Variants in KIF24 observed in about 807,000 individuals in gnomAD.
KIF24 encodes the protein kinesin-like protein KIF24.
In KIF24, 81 loss-of-function variants were observed where a neutral mutation model predicts 118.9. That is an observed-to-expected ratio of 0.68 (90% CI 0.57 to 0.82). KIF24 has a LOEUF of 0.82. Ranked by LOEUF, KIF24 falls within the 40% of genes least tolerant of loss-of-function variation. The pLI, the probability that KIF24 is intolerant of heterozygous loss-of-function variation, is 0.00. For missense variants in KIF24, 1,560 were observed against 1,661.6 expected (o/e 0.94, Z 1.06); for synonymous variants, 599 against 610.0 (o/e 0.98, Z 0.27).
chr9:34,321,623 T>TA (rs1837527764), intron 1 of KIF24, among the ~76,000 whole-genome samples: 2 of 137,672 alleles, frequency 1.5e-5, no homozygotes, highest in East Asian at 2.5e-4. Context: ...TTTTTTTTTT[T>TA]AGAGAAAGCG....
At chr9:34,306,193 C>CA (rs1224811761) in intron 3 of KIF24, 59 bp downstream of exon 3, 704 of 1,183,634 alleles carry the variant, frequency 5.9e-4, no homozygotes, top group South Asian at 6.9e-4. Context: ...AAACAAAAAG[C>CA]AAAAAAAAAT....
chr9:34,329,865 C>G (rs1023420896), upstream of KIF24, among the ~76,000 whole-genome samples: 2 of 151,996 alleles, frequency 1.3e-5, no homozygotes, highest in African/African-American at 4.8e-5. Flanking sequence ...GTGGGTCGTC[C>G]AAATCCCAGA....
intron 2 of KIF24, among the ~76,000 whole-genome samples, chr9:34,308,605 G>C (rs1365036899): frequency 6.6e-6 from 1 of 151,990 alleles, no homozygotes; most frequent in East Asian, 1.9e-4. Context: ...TTTAATAAGG[G>C]TTTTGTGTTA....
intron 1 of KIF24, among the ~76,000 whole-genome samples, chr9:34,323,435 G>A (rs1263153783): frequency 1.3e-5 from 2 of 152,114 alleles, no homozygotes; most frequent in Non-Finnish European, 2.9e-5. Flanking sequence ...TTAAACCAGT[G>A]CCAAGTATTA....
Position 34,270,934 on chromosome 9 carries a change from T to TA in KIF24, c.1337+874dup, listed in dbSNP as rs899562473. ...TCTCCCTCACATCCACCCTGTCTCT[T>TA]AAAAAAAAAAAATAGCTAGGTGTGG... On this transcript the variant is annotated intron_variant, in intron 7 of 12. Coordinates refer to ENST00000402558, the MANE Select transcript of KIF24 (RefSeq NM_194313.4). Among the ~76,000 whole-genome samples the TA allele has an allele frequency of 2.2e-3, 311 of 141,166 alleles. 1 individual carries two copies. Among genetic ancestry groups the TA allele is most frequent in the African/African-American group, 5.6e-3 (217 of 38,846 alleles). The allele number at this position is 141,166 out of a possible 152,430, so 92.6% of individuals were successfully genotyped here.
In KIF24 at chr9:34,254,464, A is replaced by G. The variant is rs1379951869; in HGVS notation, c.4023T>C (p.Cys1341=). 1 of 1,613,792 alleles carries G rather than the reference A, an allele frequency of 6.2e-7. No homozygotes were observed. Among genetic ancestry groups the G allele is most frequent in the Non-Finnish European group, 8.5e-7 (1 of 1,179,846 alleles). Residue 1341 remains cysteine (C), a synonymous_variant, in exon 13 of 13, where the codon TGT becomes TGC. Coordinates refer to ENST00000402558, the MANE Select transcript of KIF24 (RefSeq NM_194313.4). ...GCAGCTGGCTCCTCAGACTCTGGAT[A>G]CACTTGGATTTCAGAACCATGATTT... ...LDEIMVLKSK[C]IQSLRSQLQL...
chr9:34,303,719 T>G (rs1032402603), intron 3 of KIF24, among the ~76,000 whole-genome samples: 1 of 152,092 alleles, frequency 6.6e-6, no homozygotes, highest in Non-Finnish European at 1.5e-5. Context: ...CGTGGTGGCA[T>G]GTACCTGTAG....
chr9:34,256,605 C>G lies in KIF24; in HGVS notation c.3002G>C (p.Arg1001Thr). The G allele has an allele frequency of 6.2e-7, 1 of 1,613,976 alleles. No homozygotes were observed. Among genetic ancestry groups the G allele is most frequent in the Non-Finnish European group, 8.5e-7 (1 of 1,179,896 alleles). The change falls in exon 11 of 13, where the codon AGA (arginine) becomes ACA (threonine). Residue 1001 changes from arginine to threonine, a missense_variant. Physicochemically the swap from Arg to Thr is moderately conservative, Grantham distance 71 (BLOSUM62 -1). Transcript: ENST00000402558. Reference protein sequence around the residue: ...HVAVPGSPDQRDTVTTPLREV... With the variant: ...HVAVPGSPDQTDTVTTPLREV... ...TCTCAGAGGTGTGGTGACTGTGTCT[C>G]TTTGGTCTGGGGATCCAGGAACTGC...
chr9:34,301,161 C>T (rs1247829767), intron 3 of KIF24, among the ~76,000 whole-genome samples: 1 of 152,170 alleles, frequency 6.6e-6, no homozygotes, highest in Non-Finnish European at 1.5e-5. Flanking sequence ...TCCTTTGCAT[C>T]ACACACACTT....
chr9:34,271,325 CAAAAAA>C (rs58895274), intron 7 of KIF24, among the ~76,000 whole-genome samples: 1 of 107,354 alleles, frequency 9.3e-6, no homozygotes, highest in Non-Finnish European at 1.8e-5. Flanking sequence ...AGCAATCCAG[CAAAAAA>C]AAAAAAAAAA....
chr9:34,326,373 A>C (rs1008859854), intron 1 of KIF24, among the ~76,000 whole-genome samples: 18 of 152,160 alleles, frequency 1.2e-4, no homozygotes, highest in Non-Finnish European at 1.9e-4. Flanking sequence ...AAAACCCCCC[A>C]AAAAACAGAT....
Position 34,300,415 on chromosome 9 carries a change from T to C in KIF24, c.814-3301A>G, listed in dbSNP as rs1021414531. 2.1e-4 allele frequency among the ~76,000 whole-genome samples: 32 copies of C among 151,832 alleles called. No homozygotes were observed. The Middle Eastern group carries it at 0.01, about 48-fold the overall frequency. ...ACAGAGTCTCACTTTGTTGCCCAGG[T>C]TGGAGTGCAGTGGCGTGATCTTGGC... On this transcript the variant is annotated intron_variant, in intron 3 of 12. Transcript: ENST00000402558.
chr9:34,254,184 G>T lies in KIF24; in HGVS notation c.*196C>A. On this transcript the variant is annotated 3_prime_UTR_variant, in exon 13 of 13. Coordinates refer to ENST00000402558, the MANE Select transcript of KIF24 (RefSeq NM_194313.4). ...TGGAGGCACTCCTGTGCATGGAACT[G>T]AGGGACAGGGGCCTGTCCCTGAGGG... 1 of 498,530 alleles carries T rather than the reference G, an allele frequency of 2.0e-6. No homozygotes were observed. Among genetic ancestry groups the T allele is most frequent in the Non-Finnish European group, 3.5e-6 (1 of 288,776 alleles). The allele number at this position is 498,530 out of a possible 1,614,324, so 30.9% of individuals were successfully genotyped here.
chr9:34,296,091 C>T (rs1329280360), intron 4 of KIF24, among the ~76,000 whole-genome samples: 48 of 149,262 alleles, frequency 3.2e-4, no homozygotes, highest in African/African-American at 1.1e-3. Flanking sequence ...TGGTGGTGGG[C>T]GCCTGTAGTC....
intron 1 of KIF24, among the ~76,000 whole-genome samples, chr9:34,314,400 G>A (rs1021068447): frequency 7.3e-5 from 11 of 151,622 alleles, no homozygotes; most frequent in African/African-American, 2.4e-4. Flanking sequence ...TCCTGACCTC[G>A]AGTGATCCAC....
Position 34,306,290 on chromosome 9 carries a change from T to C in KIF24, c.775A>G (p.Lys259Glu). 1.2e-6 allele frequency: 2 copies of C among 1,609,586 alleles called. No homozygotes were observed. Among genetic ancestry groups the C allele is most frequent in the Non-Finnish European group, 1.7e-6 (2 of 1,177,514 alleles). Residue 259 changes from lysine (K) to glutamate (E), a missense_variant, in exon 3 of 13, where the codon AAG becomes GAG. Coordinates refer to ENST00000402558, the MANE Select transcript of KIF24 (RefSeq NM_194313.4). Reference sequence around the variant, plus strand: ...TGAGTGAGGTCAACTGCTTCTTTCTTCTCATGCACAAGTAGAGTTTCTTTG... The same window carrying C: ...TGAGTGAGGTCAACTGCTTCTTTCTCCTCATGCACAAGTAGAGTTTCTTTG... ...EDKETLLVHE[K>E]KEAVDLTQYI...
chr9:34,298,781 T>G (rs1836582492), intron 3 of KIF24, among the ~76,000 whole-genome samples: 1 of 152,068 alleles, frequency 6.6e-6, no homozygotes, highest in South Asian at 2.1e-4. Context: ...AATTCAGTGG[T>G]GAGGTAAAAA....
Position 34,263,149 on chromosome 9 carries a change from C to T in KIF24, c.1467G>A (p.Leu489=), listed in dbSNP as rs754996153. 15 of 1,613,206 alleles carry T rather than the reference C, an allele frequency of 9.3e-6. No homozygotes were observed. Among genetic ancestry groups the T allele is most frequent in the Non-Finnish European group, 1.2e-5 (14 of 1,179,630 alleles). Residue 489 remains leucine (L), a synonymous_variant, in exon 9 of 13, where the codon CTG becomes CTA. Transcript: ENST00000402558. ...AGGGAGTATGGGTGTGTTCCTGATCCAGTGCTCGGATACATTCCTTCAGCT... is the reference window on the plus strand; with the variant it reads ...AGGGAGTATGGGTGTGTTCCTGATCTAGTGCTCGGATACATTCCTTCAGCT... ...LLALKECIRA[L]DQEHTHTPFR... is the part of the protein sequence containing the mutation.
At position 34,266,230 on chromosome 9, in the gene KIF24, TATACCAC is replaced by T. The variant is rs1229891733; in HGVS notation, c.1443+3020_1443+3026del. Among the ~76,000 whole-genome samples, 11 of 854 alleles carry T rather than the reference TATACCAC, an allele frequency of 0.013. No individual in the cohort carries two copies. The East Asian group carries it at 0.31, about 24-fold the overall frequency. The allele number at this position is 854 out of a possible 152,430, so 0.6% of individuals were successfully genotyped here. On this transcript the variant is annotated intron_variant, in intron 8 of 12. Coordinates refer to ENST00000402558, the MANE Select transcript of KIF24 (RefSeq NM_194313.4). The stretch of plus-strand genomic sequence containing the variant: ...CTAATTTATTACTATAAATCCCACA[TATACCAC>T]ATATATTTTTCCTTTTCAAAACAAA...
Sources: gnomAD v4.1 joint callset for allele counts (sites outside exome capture counted in the v4.1 genomes callset) on GRCh38, gnomAD v4.1.1 for gene constraint, MANE v1.5 for transcripts, NCBI Gene and HGNC (gene_info 2026-07-23, HGNC 2026-07-21) for gene names.